Variants in SAMD11 observed in about 807,000 individuals in gnomAD.
SAMD11 encodes sterile alpha motif domain containing 11.
In SAMD11, 77 loss-of-function variants were observed where a neutral mutation model predicts 64.4. The ratio of observed to expected loss-of-function variants is 1.20; its 90% CI spans 0.99 to 1.44. SAMD11 has a LOEUF of 1.44. Ranked by LOEUF, SAMD11 falls within the 40% of genes most tolerant of loss-of-function variation. SAMD11 has a pLI of 0.00. For missense variants in SAMD11, 1,402 were observed against 943.3 expected (o/e 1.49, Z -6.37); for synonymous variants, 658 against 421.9 (o/e 1.56, Z -6.86).
At position 943,950 on chromosome 1, in the gene SAMD11, C is replaced by T. The variant is rs768785250; in HGVS notation, c.2332C>T (p.Pro778Ser). The T allele has an allele frequency of 4.3e-6, 7 of 1,612,710 alleles. No homozygotes were observed. The highest frequency in any genetic ancestry group is 3.3e-4 in the Middle Eastern group (2 of 6,060). ...LGRVFYVASF[P>S]VALPLQPPTL... ...CCGAGTTTTCTACGTGGCCAGCTTC[C>T]CCGTGGCTCTGCCACTGCAGCCACC... Residue 778 changes from proline to serine, a missense_variant, in exon 14 of 14, where the codon CCC (proline) becomes TCC (serine). Pro to Ser is a moderately conservative substitution (Grantham distance 74). Transcript: ENST00000616016.
chr1:943,950 C>G lies in SAMD11; in HGVS notation c.2332C>G (p.Pro778Ala), dbSNP rs768785250. The G allele has an allele frequency of 1.2e-5, 19 of 1,612,592 alleles. No homozygotes were observed. Among genetic ancestry groups the G allele is most frequent in the Admixed American group, 1.7e-5 (1 of 60,000 alleles). The change falls in exon 14 of 14, where the codon CCC (proline) becomes GCC (alanine). Residue 778 changes from proline to alanine, a missense_variant. Physicochemically the swap from Pro to Ala is conservative, Grantham distance 27 (BLOSUM62 -1). Coordinates refer to ENST00000616016, the MANE Select transcript of SAMD11 (RefSeq NM_001385641.1). ...LGRVFYVASF[P>A]VALPLQPPTL... ...CCGAGTTTTCTACGTGGCCAGCTTC[C>G]CCGTGGCTCTGCCACTGCAGCCACC...
Position 941,234 on chromosome 1 carries a change from A to C in SAMD11, c.1286A>C (p.Gln429Pro), listed in dbSNP as rs769901532. Residue 429 changes from glutamine (Q) to proline (P), a missense_variant, in exon 8 of 14, where the codon CAG becomes CCG. By Grantham distance (76) the Gln-to-Pro change is moderately conservative. Coordinates refer to ENST00000616016, the MANE Select transcript of SAMD11 (RefSeq NM_001385641.1). ...CACCTGCCCTCCTCCACGGCAGGTC[A>C]GCGTCGGAAGCAGGGCCTGGCTCAG... ...EAHLPSSTAGQRRKQGLAQHR... is the reference protein window; with the variant it reads ...EAHLPSSTAGPRRKQGLAQHR... The C allele has an allele frequency of 6.2e-7, 1 of 1,601,626 alleles. No homozygotes were observed.
intron 2 of SAMD11, among the ~76,000 whole-genome samples, chr1:927,110 C>A (rs1640932046): frequency 6.6e-6 from 1 of 152,160 alleles, no homozygotes; most frequent in African/African-American, 2.4e-5. Flanking sequence ...CCCATGTGCC[C>A]ACCTGACACA....
chr1:939,164 A>C, intron 6 of SAMD11, 35 bp downstream of exon 6: 3 of 1,558,890 alleles, frequency 1.9e-6, no homozygotes, highest in Non-Finnish European at 2.6e-6. Context: ...ACAGGTCACC[A>C]GGGGAGGGGG....
chr1:938,462 G>A (rs1479230403), intron 5 of SAMD11, among the ~76,000 whole-genome samples: 1 of 152,198 alleles, frequency 6.6e-6, no homozygotes, highest in East Asian at 1.9e-4. Flanking sequence ...AGGCAGGACT[G>A]GGCCAGAGAG....
At position 942,699 on chromosome 1, in the gene SAMD11, A is replaced by ACGGCG; in HGVS notation, c.1701_1705dup (p.Pro569ArgfsTer47). The ACGGCG allele has an allele frequency of 6.9e-7, 1 of 1,441,998 alleles. No individual in the cohort carries two copies. The highest frequency in any genetic ancestry group is 9.0e-7 in the Non-Finnish European group (1 of 1,108,930). 89.3% of individuals were successfully genotyped at this position (1,441,998 alleles called of 1,614,324 possible). ...CGCGGGGCCCTGCTGGTGCTGAACC[A>ACGGCG]CGGCGCGGCGCCACTGCTGGCCCTG... On this transcript the variant is annotated frameshift_variant, in exon 11 of 14. Transcript: ENST00000616016. LOFTEE classifies it high-confidence loss of function.
intron 2 of SAMD11, among the ~76,000 whole-genome samples, chr1:928,168 C>T (rs112703377): frequency 0.01 from 1,570 of 151,792 alleles, 15 homozygotes; most frequent in African/African-American, 0.033. Flanking sequence ...CCGAGGCGGG[C>T]GGATCACGAG....
At position 943,075 on chromosome 1, in the gene SAMD11, T is replaced by A; in HGVS notation, c.2053+17T>A. 6.5e-7 allele frequency: 1 copy of A among 1,546,514 alleles called. No individual in the cohort carries two copies. The highest frequency in any genetic ancestry group is 1.8e-4 in the Middle Eastern group (1 of 5,702). On this transcript the variant is annotated intron_variant, in intron 11 of 13. Coordinates refer to ENST00000616016, the MANE Select transcript of SAMD11 (RefSeq NM_001385641.1). ...TCCACACAGGTGGGCACCCCCACAC[T>A]CTAGATCCTTCCAGAGGGCACAGGA...
intron 4 of SAMD11, among the ~76,000 whole-genome samples, chr1:932,338 G>A (rs1426462032): frequency 2.0e-5 from 3 of 152,148 alleles, no homozygotes; most frequent in African/African-American, 7.2e-5. Context: ...GGAATGCAGC[G>A]TCCCTCGGCA....
chr1:943,098 G>A (rs771787492), intron 11 of SAMD11, 40 bp downstream of exon 11: 2 of 1,555,600 alleles, frequency 1.3e-6, no homozygotes, highest in Admixed American at 1.8e-5. Context: ...AGAGGGCACA[G>A]GACTGGCAGG....
At chr1:941,019 C>A (rs1023331835) in intron 7 of SAMD11, 125 bp from the exon 8 acceptor site, 3 of 864,544 alleles carry the variant, frequency 3.5e-6, no homozygotes, top group Admixed American at 2.6e-5. Context: ...CCGAGACCAG[C>A]CCAGGGGCCG....
At chr1:936,871 ATGAT>A (rs1000407280) in intron 5 of SAMD11, among the ~76,000 whole-genome samples, 3 of 152,130 alleles carry the variant, frequency 2.0e-5, no homozygotes, top group African/African-American at 7.2e-5. Flanking sequence ...GAGCCCCACA[ATGAT>A]TGAGATATTC....
In SAMD11 at chr1:942,690, T is replaced by C. The variant is rs916534162; in HGVS notation, c.1685T>C (p.Val562Ala). The C allele has an allele frequency of 2.8e-6, 4 of 1,446,502 alleles. No individual in the cohort carries two copies. The African/African-American group carries it at 4.5e-5, about 16-fold the overall frequency. The allele number at this position is 1,446,502 out of a possible 1,614,324, so 89.6% of individuals were successfully genotyped here. The change falls in exon 11 of 14, where the codon GTG (valine) becomes GCG (alanine). Residue 562 changes from valine (V) to alanine (A), a missense_variant. Coordinates refer to ENST00000616016, the MANE Select transcript of SAMD11 (RefSeq NM_001385641.1). ...EELQRRGALL[V>A]LNHGAAPLLA... Reference sequence around the variant, plus strand: ...CTGCAGCGGCGCGGGGCCCTGCTGGTGCTGAACCACGGCGCGGCGCCACTG... The same window carrying C: ...CTGCAGCGGCGCGGGGCCCTGCTGGCGCTGAACCACGGCGCGGCGCCACTG...
At chr1:943,630 C>T (rs1401645338) in intron 12 of SAMD11, 68 bp from the exon 13 acceptor site, 74 of 1,440,408 alleles carry the variant, frequency 5.1e-5, no homozygotes, top group Middle Eastern at 2.6e-4. Flanking sequence ...AACAGCTCCT[C>T]TTGGCTCTGC....
At chr1:930,376 G>C in intron 3 of SAMD11, 40 bp downstream of exon 3, 4 of 1,552,758 alleles carry the variant, frequency 2.6e-6, no homozygotes, top group Non-Finnish European at 3.5e-6. Flanking sequence ...GCAAGGCTCA[G>C]ATGGGGCTGG....
In SAMD11 at chr1:942,269, C is replaced by G; in HGVS notation, c.1474+18C>G. The G allele has an allele frequency of 9.1e-7, 1 of 1,098,924 alleles. No individual in the cohort carries two copies. Among genetic ancestry groups the G allele is most frequent in the Non-Finnish European group, 1.2e-6 (1 of 823,252 alleles). The allele number at this position is 1,098,924 out of a possible 1,614,324, so 68.1% of individuals were successfully genotyped here. ...GACCCCAGGTGAGGAGGCGGGTGCGCATCCCCTGGGAGCCCGCGTGGAGGC... is the reference window on the plus strand; with the variant it reads ...GACCCCAGGTGAGGAGGCGGGTGCGGATCCCCTGGGAGCCCGCGTGGAGGC... On this transcript the variant is annotated intron_variant, in intron 9 of 13. Coordinates refer to ENST00000616016, the MANE Select transcript of SAMD11 (RefSeq NM_001385641.1).
chr1:936,507 T>G (rs2100333385), intron 5 of SAMD11, among the ~76,000 whole-genome samples: 1 of 152,216 alleles, frequency 6.6e-6, no homozygotes, highest in African/African-American at 2.4e-5. Context: ...AGGGAGGTGC[T>G]GCTGCCTGGT....
At chr1:930,465 G>T in intron 3 of SAMD11, 129 bp downstream of exon 3, 2 of 1,104,080 alleles carry the variant, frequency 1.8e-6, no homozygotes, top group South Asian at 3.3e-5. Context: ...GGTCTTTTTG[G>T]GGTCCTGTGT....
rs545782697 is a variant in SAMD11, at chr1:935,791, A to G, written c.862A>G (p.Thr288Ala). ...CTGCAGCCAGGACGGCAACCTTCCC[A>G]CCCTCATATCCAGCGTCCACCGCAG... is the stretch of plus-strand genomic sequence containing the variant. Reference protein sequence around the residue: ...ASCSQDGNLPTLISSVHRSRH... With the variant: ...ASCSQDGNLPALISSVHRSRH... The change falls in exon 5 of 14, where the codon ACC (threonine) becomes GCC (alanine). Residue 288 changes from threonine (T) to alanine (A), a missense_variant. Thr to Ala is a moderately conservative substitution (Grantham distance 58). Coordinates refer to ENST00000616016, the MANE Select transcript of SAMD11 (RefSeq NM_001385641.1). The G allele has an allele frequency of 1.2e-6, 2 of 1,612,888 alleles. No individual in the cohort carries two copies. The highest frequency in any genetic ancestry group is 1.7e-5 in the Admixed American group (1 of 59,988).
Sources: allele counts gnomAD v4.1 joint callset (sites outside exome capture counted in the v4.1 genomes callset), GRCh38; gene constraint gnomAD v4.1.1; transcripts MANE v1.5; gene names NCBI Gene and HGNC (gene_info 2026-07-23, HGNC 2026-07-21).